ZNF75D: variants seen among roughly 807,000 people sequenced by gnomAD.
ZNF75D encodes zinc finger protein 75.
Under a neutral mutation model 33.3 loss-of-function variants are expected in ZNF75D, and 33 were observed. That is an observed-to-expected ratio of 0.99 (90% confidence interval 0.75 to 1.32). The LOEUF (loss-of-function observed/expected upper bound fraction) is 1.32, where lower values mean the gene tolerates loss of function less well. Ranked by LOEUF, ZNF75D falls within the 40% of genes most tolerant of loss-of-function variation. ZNF75D has a pLI of 0.00. For missense variants in ZNF75D, 338 were observed against 367.5 expected (o/e 0.92, Z 0.66); for synonymous variants, 113 against 130.6 (o/e 0.87, Z 0.92).
intron 3 of ZNF75D, 31 bp from the exon 4 acceptor site, chrX:135,292,504 G>T (rs2084058922): frequency 8.4e-7 from 1 of 1,184,552 alleles, no homozygotes; most frequent in Non-Finnish European, 1.1e-6. Flanking sequence ...CATTAGCACA[G>T]AACTTACTTT....
At chrX:135,275,155 A>G (rs1353932235) in intron 1 of ZNF75D, among the ~76,000 whole-genome samples, 3 of 112,596 alleles carry the variant, frequency 2.7e-5, no homozygotes, top group Non-Finnish European at 5.6e-5. Flanking sequence ...TAAAACCTGA[A>G]AGAGAATTGG....
chrX:135,301,152 T>G (rs2084213239), intron 1 of ZNF75D, among the ~76,000 whole-genome samples: 1 of 111,282 alleles, frequency 9.0e-6, no homozygotes, highest in Non-Finnish European at 1.9e-5. Flanking sequence ...AAACTGCCAT[T>G]TATAAAACTG....
chrX:135,320,935 G>A (rs1226142934), intron 1 of ZNF75D, among the ~76,000 whole-genome samples: 1 of 110,492 alleles, frequency 9.1e-6, no homozygotes, highest in African/African-American at 3.3e-5. Flanking sequence ...GGGAAGCAAG[G>A]TTGGGGGGGG....
rs373953666 is a variant in ZNF75D at position 135,293,720 on chromosome X, T to G, written c.411+10A>C. On this transcript the variant is annotated intron_variant, in intron 3 of 6. Transcript: ENST00000370766. Reference sequence around the variant, plus strand: ...ACTTCATTGTACATGTAGGCAATCTTTCTTCTTACCTCATTCTTTGTTCCA... The same window carrying G: ...ACTTCATTGTACATGTAGGCAATCTGTCTTCTTACCTCATTCTTTGTTCCA... The G allele has an allele frequency of 9.3e-5, 108 of 1,157,880 alleles. No homozygotes were observed. The highest frequency in any genetic ancestry group is 1.2e-4 in the Non-Finnish European group (104 of 867,631).
At position 135,286,557 on chromosome X, in the gene ZNF75D, A is replaced by G. The variant is rs2083955309; in HGVS notation, c.*580T>C. 8.9e-6 allele frequency: 1 copy of G among 112,244 alleles called. No individual in the cohort carries two copies. The highest frequency in any genetic ancestry group is 1.9e-5 in the Non-Finnish European group (1 of 53,464). The allele number at this position is 112,244 out of a possible 1,213,427, so 9.3% of individuals were successfully genotyped here. On this transcript the variant is annotated 3_prime_UTR_variant, in exon 7 of 7. Transcript: ENST00000370766. Reference sequence around the variant, plus strand: ...GACAGAAGACATTGTGGTAGTGGGTACTCAGGAGAGAAGCAACAAGAATGG... The same window carrying G: ...GACAGAAGACATTGTGGTAGTGGGTGCTCAGGAGAGAAGCAACAAGAATGG...
chrX:135,332,032 C>G (rs1352667271), intron 1 of ZNF75D, among the ~76,000 whole-genome samples: 2 of 111,104 alleles, frequency 1.8e-5, no homozygotes, highest in Admixed American at 9.6e-5. Flanking sequence ...TGCCTGGACA[C>G]TCCTGCATCG....
chrX:135,306,292 C>CAT (rs1201132803), intron 1 of ZNF75D, among the ~76,000 whole-genome samples: 1 of 42,237 alleles, frequency 2.4e-5, no homozygotes, highest in Non-Finnish European at 6.1e-5. Context: ...GATACATACA[C>CAT]ACACACACAC....
In ZNF75D at chrX:135,302,910, A is replaced by T. The variant is rs781921929; in HGVS notation, c.-390-6871T>A. Among the ~76,000 whole-genome samples, 8 of 109,826 alleles carry T rather than the reference A, an allele frequency of 7.3e-5. No homozygotes were observed. In the East Asian group the frequency reaches 2.0e-3, roughly 27 times the overall value. On this transcript the variant is annotated intron_variant, in intron 1 of 6. Transcript: ENST00000370766. Reference sequence around the variant, plus strand: ...CGGCCTCTGAGTTCCCTTAGTATTTATTCATCATTATTGGGTGTTTCTCGG... The same window carrying T: ...CGGCCTCTGAGTTCCCTTAGTATTTTTTCATCATTATTGGGTGTTTCTCGG...
chrX:135,337,736 C>T (rs1441911894), intron 1 of ZNF75D, among the ~76,000 whole-genome samples: 1 of 110,907 alleles, frequency 9.0e-6, no homozygotes, highest in Non-Finnish European at 1.9e-5. Flanking sequence ...TCAAATGCTT[C>T]TGAGAGGTGA....
chrX:135,340,214 TCAGTA>T (rs1453191102), intron 1 of ZNF75D, among the ~76,000 whole-genome samples: 20 of 112,409 alleles, frequency 1.8e-4, no homozygotes, highest in Admixed American at 5.6e-4. Context: ...GAAAAACTGT[TCAGTA>T]AACACCTGTA....
chrX:135,290,921 G>A, intron 6 of ZNF75D, 88 bp downstream of exon 6: 1 of 872,538 alleles, frequency 1.1e-6, no homozygotes, highest in African/African-American at 2.0e-5. Flanking sequence ...TTGGAACAGT[G>A]GGACTCTCTC....
intron 1 of ZNF75D, among the ~76,000 whole-genome samples, chrX:135,302,979 G>A (rs1414754141): frequency 9.1e-6 from 1 of 110,328 alleles, no homozygotes; most frequent in African/African-American, 3.3e-5. Context: ...TGGAGAGAAG[G>A]TCAGCAGGTA....
chrX:135,313,244 A>G (rs2148483898), intron 1 of ZNF75D, among the ~76,000 whole-genome samples: 1 of 111,911 alleles, frequency 8.9e-6, no homozygotes, highest in Admixed American at 9.5e-5. Flanking sequence ...TTTATTAAAG[A>G]GGGTGTCATT....
At chrX:135,277,985 T>C (rs1556417871) in intron 1 of ZNF75D, among the ~76,000 whole-genome samples, 1 of 111,981 alleles carries the variant, frequency 8.9e-6, no homozygotes, top group Non-Finnish European at 1.9e-5. Flanking sequence ...TTTTTTGGTT[T>C]CTTATAAAAT....
Position 135,342,378 on chromosome X carries a change from A to T in ZNF75D, c.-1001T>A, listed in dbSNP as rs1341151138. On this transcript the variant is annotated 5_prime_UTR_variant, in exon 1 of 7. It introduces an in-frame stop codon into an upstream open reading frame of the 5' UTR. Coordinates refer to ENST00000370766, the MANE Select transcript of ZNF75D (RefSeq NM_007131.5). ...GGCTCGATAGAAAAGAAAAATTATG[A>T]CAGGAATCTGCGTGTAAATCTTCAA... is the stretch of plus-strand genomic sequence containing the variant. 8.9e-6 allele frequency: 1 copy of T among 112,257 alleles called. No individual in the cohort carries two copies. The allele number at this position is 112,257 out of a possible 1,213,427, so 9.3% of individuals were successfully genotyped here.
Position 135,294,078 on chromosome X carries a change from C to T in ZNF75D, c.63G>A (p.Glu21=), listed in dbSNP as rs782083604. 2.0e-5 allele frequency: 24 copies of T among 1,208,187 alleles called. No homozygotes were observed. The highest frequency in any genetic ancestry group is 2.7e-5 in the Non-Finnish European group (24 of 894,014). ...AGTTCTCTTTCACAGACCCACTAGT[C>T]TCCCACATAGCCCCCATCTGGGGGC... ...CSSPQMGAMW[E]TSGSVKENSS... The change falls in exon 3 of 7, where the codon GAG becomes GAA. Residue 21 remains glutamate, a synonymous_variant. Transcript: ENST00000370766.
chrX:135,277,524 G>A (rs1394559520), intron 1 of ZNF75D, among the ~76,000 whole-genome samples: 1 of 112,265 alleles, frequency 8.9e-6, no homozygotes, highest in African/African-American at 3.2e-5. Flanking sequence ...GGCTTTTGTT[G>A]CCATTGCTTT....
At chrX:135,315,967 T>TTCATTG (rs1474075699) in intron 1 of ZNF75D, among the ~76,000 whole-genome samples, 3 of 112,178 alleles carry the variant, frequency 2.7e-5, no homozygotes, top group Non-Finnish European at 5.6e-5. Flanking sequence ...TGTCATGTTA[T>TTCATTG]TCATTGTTTT....
intron 1 of ZNF75D, among the ~76,000 whole-genome samples, chrX:135,258,179 A>ATGTGTGCCACATTTTCT (rs2083817124): frequency 1.3e-5 from 1 of 79,399 alleles, no homozygotes; most frequent in Non-Finnish European, 3.3e-5. Context: ...TCCATGGTGT[A>ATGTGTGCCACATTTTCT]TAATCCAGTC....
Sources: gnomAD v4.1 joint callset for allele counts (sites outside exome capture counted in the v4.1 genomes callset) on GRCh38, gnomAD v4.1.1 for gene constraint, MANE v1.5 for transcripts, NCBI Gene and HGNC (gene_info 2026-07-23, HGNC 2026-07-21) for gene names.